The following ME1 variants were observed in gnomAD, a reference collection of about 807,000 sequenced individuals.
ME1 encodes the protein NADP-dependent malic enzyme.
In ME1, 74 loss-of-function variants were observed where a neutral mutation model predicts 66.4. That is an observed-to-expected ratio of 1.11 (90% CI 0.92 to 1.35). ME1 has a LOEUF of 1.35. ME1 is among the 40% of genes most tolerant of loss of function. The pLI is 0.00. For missense variants in ME1, 750 were observed against 694.1 expected (o/e 1.08, Z -0.90); for synonymous variants, 251 against 235.6 (o/e 1.07, Z -0.60).
chr6:83,230,739 G>A (rs1790290687), intron 9 of ME1, among the ~76,000 whole-genome samples: 1 of 152,086 alleles, frequency 6.6e-6, no homozygotes, highest in African/African-American at 2.4e-5. Flanking sequence ...AGACCATCCT[G>A]GTTAACACGG....
rs1005207290 is a variant in ME1 at position 83,320,860 on chromosome 6, G to C, written c.601-5447C>G. On this transcript the variant is annotated intron_variant, in intron 5 of 13. Coordinates refer to ENST00000369705, the MANE Select transcript of ME1 (RefSeq NM_002395.6). ...AAAGTTAAAAAATTATCGATTCCCAGGTAAGATGACCAAATAGGAACAGCT... is the reference window on the plus strand; with the variant it reads ...AAAGTTAAAAAATTATCGATTCCCACGTAAGATGACCAAATAGGAACAGCT... Among the ~76,000 whole-genome samples, 3 of 152,132 alleles carry C rather than the reference G, an allele frequency of 2.0e-5. No homozygotes were observed. The East Asian group carries it at 5.8e-4, about 29-fold the overall frequency.
chr6:83,352,203 G>A (rs1768816370), intron 3 of ME1, 64 bp from the exon 4 acceptor site: 4 of 1,023,350 alleles, frequency 3.9e-6, no homozygotes, highest in Non-Finnish European at 5.4e-6. Flanking sequence ...AAACTACCAT[G>A]AATATCTTAA....
At chr6:83,278,654 C>T (rs1196390836) in intron 6 of ME1, among the ~76,000 whole-genome samples, 1 of 151,854 alleles carries the variant, frequency 6.6e-6, no homozygotes, top group African/African-American at 2.4e-5. Context: ...TATGAGGGTC[C>T]TCCTACATTG....
chr6:83,341,512 C>T (rs930806859), intron 5 of ME1, among the ~76,000 whole-genome samples: 4 of 152,044 alleles, frequency 2.6e-5, no homozygotes, highest in Admixed American at 1.3e-4. Flanking sequence ...CTGGGTACAG[C>T]TAAACTACCT....
chr6:83,305,426 A>T (rs1767806512), intron 6 of ME1, among the ~76,000 whole-genome samples: 1 of 152,182 alleles, frequency 6.6e-6, no homozygotes, highest in African/African-American at 2.4e-5. Flanking sequence ...AGTATTACAT[A>T]GGGTAGTCAG....
intron 5 of ME1, among the ~76,000 whole-genome samples, chr6:83,342,301 T>C (rs1387360465): frequency 1.3e-5 from 2 of 152,210 alleles, no homozygotes; most frequent in Non-Finnish European, 2.9e-5. Flanking sequence ...TTTCTTGCTT[T>C]ATTCTTTCCT....
At position 83,376,804 on chromosome 6, in the gene ME1, C is replaced by CAAAAAAAAAAAAA. The variant is rs70987750; in HGVS notation, c.362+21550_362+21562dup. The stretch of plus-strand genomic sequence containing the variant: ...GGCGACAGAACCAGACCCTGTCTCA[C>CAAAAAAAAAAAAA]AAAAAAAAAAAAAAAATTCAAAAAA... On this transcript the variant is annotated intron_variant, in intron 3 of 13. Transcript: ENST00000369705. Among the ~76,000 whole-genome samples the CAAAAAAAAAAAAA allele has an allele frequency of 2.3e-3, 202 of 87,030 alleles. 7 individuals carry two copies. The highest frequency in any genetic ancestry group is 7.4e-3 in the African/African-American group (188 of 25,568). The allele number at this position is 87,030 out of a possible 152,430, so 57.1% of individuals were successfully genotyped here. A position where few individuals can be genotyped will look rare whatever the true frequency, so the allele number is the denominator to read the frequency against.
chr6:83,382,457 A>G (rs1348104774), intron 3 of ME1, among the ~76,000 whole-genome samples: 1 of 152,082 alleles, frequency 6.6e-6, no homozygotes, highest in Admixed American at 6.6e-5. Flanking sequence ...TTATCTGACA[A>G]TTTCTAAAAT....
chr6:83,372,373 A>C (rs957341170), intron 3 of ME1, among the ~76,000 whole-genome samples: 1 of 152,188 alleles, frequency 6.6e-6, no homozygotes, highest in Non-Finnish European at 1.5e-5. Context: ...TTCCTAGGAC[A>C]ACAAAAGCAT....
At chr6:83,430,367 A>G (rs1398802111) in intron 1 of ME1, among the ~76,000 whole-genome samples, 1 of 152,136 alleles carries the variant, frequency 6.6e-6, no homozygotes, top group African/African-American at 2.4e-5. Context: ...TTGGATTTCC[A>G]GATTGCTAAC....
intron 1 of ME1, among the ~76,000 whole-genome samples, chr6:83,428,867 T>A (rs1352642740): frequency 6.6e-6 from 1 of 152,218 alleles, no homozygotes; most frequent in African/African-American, 2.4e-5. Flanking sequence ...TAATGTTACA[T>A]CTTATCTTTG....
chr6:83,383,082 C>T (rs1325142682), intron 3 of ME1, among the ~76,000 whole-genome samples: 3 of 151,744 alleles, frequency 2.0e-5, no homozygotes, highest in Admixed American at 6.6e-5. Context: ...TTTAGACTTG[C>T]GAGCCTCATG....
chr6:83,269,112 T>C (rs1004228617), intron 6 of ME1, among the ~76,000 whole-genome samples: 4 of 152,278 alleles, frequency 2.6e-5, no homozygotes, highest in African/African-American at 9.6e-5. Flanking sequence ...TTTAGGTAAG[T>C]GTTACTATAG....
At chr6:83,276,730 A>G (rs1402903331) in intron 6 of ME1, among the ~76,000 whole-genome samples, 1 of 152,194 alleles carries the variant, frequency 6.6e-6, no homozygotes, top group African/African-American at 2.4e-5. Context: ...TCATTTCCCA[A>G]TATACTTATA....
At chr6:83,403,971 G>A (rs1769885587) in intron 2 of ME1, among the ~76,000 whole-genome samples, 1 of 152,154 alleles carries the variant, frequency 6.6e-6, no homozygotes, top group Admixed American at 6.6e-5. Flanking sequence ...ACATACGTGT[G>A]CATGTGTCTT....
chr6:83,234,074 C>T (rs1442784555), intron 9 of ME1, among the ~76,000 whole-genome samples: 1 of 152,126 alleles, frequency 6.6e-6, no homozygotes, highest in Non-Finnish European at 1.5e-5. Context: ...ATCTAGCCAA[C>T]TACTTCACAG....
At chr6:83,266,984 C>A (rs1183904898) in intron 6 of ME1, among the ~76,000 whole-genome samples, 1 of 152,046 alleles carries the variant, frequency 6.6e-6, no homozygotes, top group East Asian at 1.9e-4. Flanking sequence ...ATATTTCAGC[C>A]TAAATTTTCA....
intron 3 of ME1, among the ~76,000 whole-genome samples, chr6:83,366,961 G>T (rs1004308218): frequency 3.2e-4 from 49 of 152,274 alleles, no homozygotes; most frequent in Admixed American, 1.7e-3. Context: ...ACGAATCACT[G>T]TCTATGGCAG....
chr6:83,346,043 AG>A (rs1431220226), intron 5 of ME1, 129 bp downstream of exon 5: 2 of 656,474 alleles, frequency 3.0e-6, no homozygotes, highest in Non-Finnish European at 2.4e-6. Context: ...AGTAAAGGGC[AG>A]ATTTGGAGAG....
Sources: gnomAD v4.1 joint callset for allele counts (sites outside exome capture counted in the v4.1 genomes callset) on GRCh38, gnomAD v4.1.1 for gene constraint, MANE v1.5 for transcripts, NCBI Gene and HGNC (gene_info 2026-07-23, HGNC 2026-07-21) for gene names.